Variants in NT5C2 observed in about 807,000 individuals in gnomAD.
NT5C2 encodes the protein 5'-nucleotidase, cytosolic II.
A neutral mutation model predicts 76.1 loss-of-function variants in NT5C2; 58 were observed. That is an observed-to-expected ratio of 0.76 (90% CI 0.62 to 0.95). The LOEUF is 0.95. NT5C2 is among the 40% of genes least tolerant of loss of function. The pLI, the probability that NT5C2 is intolerant of heterozygous loss-of-function variation, is 0.00. For missense variants in NT5C2, 478 were observed against 690.3 expected, an observed-to-expected ratio of 0.69 and a Z score of 3.45; for synonymous variants, 229 against 237.4, an observed-to-expected ratio of 0.96 and a Z score of 0.32.
Position 103,132,829 on chromosome 10 carries a change from C to T in NT5C2, c.175+6577G>A, listed in dbSNP as rs868282606. Among the ~76,000 whole-genome samples the T allele has an allele frequency of 2.2e-4, 34 of 151,904 alleles. No individual in the cohort carries two copies. The Middle Eastern group carries it at 0.02, about 91-fold the overall frequency. On this transcript the variant is annotated intron_variant, in intron 4 of 18. Coordinates refer to ENST00000404739, the MANE Select transcript of NT5C2 (RefSeq NM_001351169.2). ...TCTCCCAAAGTGTTGGGATTATAGG[C>T]GTGAGCCACCGCGCCTGGCCGCGGT...
intron 3 of NT5C2, among the ~76,000 whole-genome samples, chr10:103,174,561 ACT>A (rs1343301072): frequency 2.6e-5 from 4 of 152,068 alleles, no homozygotes; most frequent in South Asian, 4.1e-4. Flanking sequence ...ACAGAGCAAG[ACT>A]CTGTCCATCC....
At chr10:103,155,824 G>A (rs989577443) in intron 3 of NT5C2, among the ~76,000 whole-genome samples, 3 of 152,088 alleles carry the variant, frequency 2.0e-5, no homozygotes, top group South Asian at 2.1e-4. Flanking sequence ...TTGCATGCTC[G>A]ATGTGATATC....
chr10:103,120,968 G>C (rs11191566), intron 4 of NT5C2, among the ~76,000 whole-genome samples: 141 of 152,232 alleles, frequency 9.3e-4, no homozygotes, highest in Non-Finnish European at 1.7e-3. Context: ...GTCTCAAAAA[G>C]TAATATATGC....
At chr10:103,091,430 C>G in intron 16 of NT5C2, 134 bp downstream of exon 16, 1 of 682,128 alleles carries the variant, frequency 1.5e-6, no homozygotes. Flanking sequence ...ACTGCAACCT[C>G]CATTTCCCCG....
In NT5C2 at chr10:103,106,693, T is replaced by C. The variant is rs778823760; in HGVS notation, c.189A>G (p.Pro63=). The C allele has an allele frequency of 2.7e-5, 44 of 1,605,882 alleles. No homozygotes were observed. Among genetic ancestry groups the C allele is most frequent in the Non-Finnish European group, 3.6e-5 (42 of 1,172,508 alleles). Residue 63 remains proline (P), a synonymous_variant, in exon 5 of 19, where the codon CCA becomes CCG. Coordinates refer to ENST00000404739, the MANE Select transcript of NT5C2 (RefSeq NM_001351169.2). ...MDYTLAVYKS[P]EYESLGFELT... ...GCTCAAAACCAAGGGACTCATACTC[T>C]GGGGACTTGTACACTGCACAAAGAG...
intron 4 of NT5C2, among the ~76,000 whole-genome samples, chr10:103,118,350 T>C (rs2074860434): frequency 6.7e-6 from 1 of 150,126 alleles, no homozygotes; most frequent in African/African-American, 2.5e-5. Flanking sequence ...GAAATTATCA[T>C]ATTTCTTTTC....
At chr10:103,101,514 ATTT>A in intron 6 of NT5C2, among the ~76,000 whole-genome samples, 188 bp from the exon 7 acceptor site, 1 of 143,704 alleles carries the variant, frequency 7.0e-6, no homozygotes, top group East Asian at 2.0e-4. Flanking sequence ...TTTAATTTTA[ATTT>A]TTTTTTTTTT....
chr10:103,157,687 C>A (rs118041803), intron 3 of NT5C2, among the ~76,000 whole-genome samples: 1 of 152,078 alleles, frequency 6.6e-6, no homozygotes, highest in African/African-American at 2.4e-5. Flanking sequence ...CACAGAGTAG[C>A]CCATAAACCA....
intron 3 of NT5C2, among the ~76,000 whole-genome samples, chr10:103,156,367 CTAT>C (rs2083377777): frequency 6.6e-6 from 1 of 152,168 alleles, no homozygotes; most frequent in Non-Finnish European, 1.5e-5. Context: ...AGCATGGTGA[CTAT>C]ATTATTCCTC....
chr10:103,157,173 T>A (rs148647490), intron 3 of NT5C2, among the ~76,000 whole-genome samples: 1 of 151,428 alleles, frequency 6.6e-6, no homozygotes, highest in East Asian at 1.9e-4. Flanking sequence ...AACACTTAAC[T>A]GAAAGCAAAC....
At chr10:103,137,006 CA>C (rs1278949962) in intron 4 of NT5C2, among the ~76,000 whole-genome samples, 8 of 152,142 alleles carry the variant, frequency 5.3e-5, no homozygotes, top group Non-Finnish European at 8.8e-5. Context: ...TTTTCAGTAA[CA>C]AAATGTGCCA....
intron 3 of NT5C2, among the ~76,000 whole-genome samples, chr10:103,170,073 G>A (rs1395377600): frequency 1.3e-5 from 2 of 152,168 alleles, no homozygotes; most frequent in African/African-American, 2.4e-5. Context: ...GTTGCAGTGA[G>A]CCAAGATCAT....
At chr10:103,185,643 T>G (rs1463142106) in intron 1 of NT5C2, among the ~76,000 whole-genome samples, 1 of 131,192 alleles carries the variant, frequency 7.6e-6, no homozygotes, top group Non-Finnish European at 1.6e-5. Context: ...ACAAAGACCC[T>G]GTCTCCAAAA....
intron 3 of NT5C2, among the ~76,000 whole-genome samples, chr10:103,162,973 T>G (rs1449643487): frequency 6.6e-6 from 1 of 152,174 alleles, no homozygotes; most frequent in Non-Finnish European, 1.5e-5. Flanking sequence ...TACTAACTCT[T>G]AGAACCCACT....
chr10:103,122,730 G>T (rs140449970), intron 4 of NT5C2, among the ~76,000 whole-genome samples: 259 of 152,278 alleles, frequency 1.7e-3, no homozygotes, highest in African/African-American at 5.0e-3. Context: ...TTTGAGAGGT[G>T]TCATCCTTAT....
intron 2 of NT5C2, chr10:103,176,020 GCC>G: frequency 5.8e-6 from 1 of 173,200 alleles, no homozygotes; most frequent in Non-Finnish European, 1.3e-5. Context: ...CTCAGAAGAA[GCC>G]CCAGGCTACA....
intron 4 of NT5C2, among the ~76,000 whole-genome samples, chr10:103,119,505 C>T (rs2075205066): frequency 6.6e-6 from 1 of 152,156 alleles, no homozygotes; most frequent in African/African-American, 2.4e-5. Flanking sequence ...TCTATATTTT[C>T]CAAGTTGTGA....
intron 2 of NT5C2, among the ~76,000 whole-genome samples, chr10:103,177,694 A>T (rs1348227112): frequency 6.6e-6 from 1 of 151,936 alleles, no homozygotes; most frequent in Non-Finnish European, 1.5e-5. Context: ...GCTAATTATT[A>T]TTTTTTTTAA....
At chr10:103,145,500 A>G (rs2133408869) in intron 3 of NT5C2, among the ~76,000 whole-genome samples, 1 of 152,302 alleles carries the variant, frequency 6.6e-6, no homozygotes, top group Admixed American at 6.5e-5. Flanking sequence ...ACCTTTGCCA[A>G]TGTCAGTTTA....
Sources: gnomAD v4.1 joint callset for allele counts (sites outside exome capture counted in the v4.1 genomes callset) on GRCh38, gnomAD v4.1.1 for gene constraint, MANE v1.5 for transcripts, NCBI Gene and HGNC (gene_info 2026-07-23, HGNC 2026-07-21) for gene names.